Variants in LRFN5 observed in about 807,000 individuals in gnomAD.
LRFN5 encodes the protein leucine-rich repeat and fibronectin type-III domain-containing protein 5.
A neutral mutation model predicts 45.6 loss-of-function variants in LRFN5; 24 were observed. The observed-to-expected ratio is 0.53, with a 90% confidence interval of 0.38 to 0.74. LRFN5 has a LOEUF of 0.74. Ranked by LOEUF, LRFN5 falls within the 30% of genes least tolerant of loss-of-function variation. The pLI, the probability that LRFN5 is intolerant of heterozygous loss-of-function variation, is 0.00. For missense variants in LRFN5, 776 were observed against 861.5 expected (o/e 0.90, Z 1.24); for synonymous variants, 340 against 313.8 (o/e 1.08, Z -0.88).
In LRFN5 at chr14:41,891,506, C is replaced by T; in HGVS notation, c.1642C>T (p.Leu548=). 1 of 1,614,090 alleles carries T rather than the reference C, an allele frequency of 6.2e-7. No individual in the cohort carries two copies. The highest frequency in any genetic ancestry group is 8.5e-7 in the Non-Finnish European group (1 of 1,179,978). Residue 548 remains leucine, a synonymous_variant, in exon 4 of 6, where the codon CTG becomes TTG. Coordinates refer to ENST00000298119, the MANE Select transcript of LRFN5 (RefSeq NM_152447.5). Reference sequence around the variant, plus strand: ...ATCTGTGCTGGTATTCATCATTATTCTGATGATCCGGTATAAGGTTTGCAA... The same window carrying T: ...ATCTGTGCTGGTATTCATCATTATTTTGATGATCCGGTATAAGGTTTGCAA... ...VASVLVFIII[L]MIRYKVCNNN... is the part of the protein sequence containing the mutation.
intron 5 of LRFN5, among the ~76,000 whole-genome samples, chr14:41,900,745 C>A (rs751496856): frequency 6.6e-5 from 10 of 152,004 alleles, no homozygotes; most frequent in Non-Finnish European, 1.3e-4. Flanking sequence ...ATTCTTGATT[C>A]TCGGTAAATG....
intron 1 of LRFN5, among the ~76,000 whole-genome samples, chr14:41,667,886 A>T (rs1880979736): frequency 6.6e-6 from 1 of 152,156 alleles, no homozygotes; most frequent in South Asian, 2.1e-4. Flanking sequence ...TGAACATACA[A>T]GTATTTTTCA....
Position 41,871,376 on chromosome 14 carries a change from T to A in LRFN5, c.-20-15230T>A, listed in dbSNP as rs545731706. Among the ~76,000 whole-genome samples the A allele has an allele frequency of 1.6e-4, 25 of 152,140 alleles. 1 individual carries two copies. The highest frequency in any genetic ancestry group is 1.6e-3 in the Admixed American group (24 of 15,276). ...GCCAAGGCAGGTAGATTACCTGAGG[T>A]CAGGAGTTCAAGACCAGACTGGTCA... On this transcript the variant is annotated intron_variant, in intron 2 of 5. Coordinates refer to ENST00000298119, the MANE Select transcript of LRFN5 (RefSeq NM_152447.5).
intron 2 of LRFN5, among the ~76,000 whole-genome samples, chr14:41,829,385 G>T (rs1888402581): frequency 6.6e-6 from 1 of 151,780 alleles, no homozygotes; most frequent in South Asian, 2.1e-4. Context: ...TCTTCCTTTT[G>T]ATTTATTTTT....
chr14:41,684,300 C>T (rs1341759995), intron 1 of LRFN5, among the ~76,000 whole-genome samples: 4 of 152,104 alleles, frequency 2.6e-5, no homozygotes, highest in Non-Finnish European at 5.9e-5. Context: ...CTATAAAGAG[C>T]TGTAAAAGAC....
chr14:41,610,661 T>TAAAAAAAAAAA (rs199770856), intron 1 of LRFN5, among the ~76,000 whole-genome samples: 439 of 37,224 alleles, frequency 0.012, 58 homozygotes, highest in African/African-American at 0.025. Context: ...CCAGGGAAGG[T>TAAAAAAAAAAA]AAAAAAAAAA....
intron 2 of LRFN5, among the ~76,000 whole-genome samples, chr14:41,833,456 A>T (rs551822216): frequency 6.6e-6 from 1 of 152,266 alleles, no homozygotes; most frequent in Admixed American, 6.5e-5. Flanking sequence ...TCCAGCCAAA[A>T]TATTAGCCAC....
chr14:41,834,369 G>T (rs1888589025), intron 2 of LRFN5, among the ~76,000 whole-genome samples: 1 of 151,906 alleles, frequency 6.6e-6, no homozygotes, highest in African/African-American at 2.4e-5. Flanking sequence ...ATTTCATTTG[G>T]TTTTTTAGAG....
At chr14:41,847,280 C>T (rs951247950) in intron 2 of LRFN5, among the ~76,000 whole-genome samples, 6 of 151,966 alleles carry the variant, frequency 3.9e-5, no homozygotes, top group Admixed American at 6.6e-5. Context: ...CTTGAGAAAC[C>T]TGACTTCTAT....
At chr14:41,879,814 T>C (rs1006255454) in intron 2 of LRFN5, among the ~76,000 whole-genome samples, 1 of 151,576 alleles carries the variant, frequency 6.6e-6, no homozygotes, top group Admixed American at 6.6e-5. Context: ...ATTGTGTATA[T>C]GTATTGGCAT....
Position 41,798,651 on chromosome 14 carries a change from A to G in LRFN5, c.-21+31622A>G, listed in dbSNP as rs576393733. Among the ~76,000 whole-genome samples, 81 of 152,116 alleles carry G rather than the reference A, an allele frequency of 5.3e-4. 1 individual carries two copies. Among genetic ancestry groups the G allele is most frequent in the Non-Finnish European group, 1.0e-3 (69 of 67,952 alleles). The stretch of plus-strand genomic sequence containing the variant: ...GAAATAGTGTAATCTTAACCAACAG[A>G]AATTATCTTGTATTAGTTTGTAATG... On this transcript the variant is annotated intron_variant, in intron 2 of 5. Transcript: ENST00000298119.
intron 1 of LRFN5, among the ~76,000 whole-genome samples, chr14:41,666,339 A>G (rs1043280898): frequency 1.3e-5 from 2 of 152,038 alleles, no homozygotes; most frequent in Non-Finnish European, 2.9e-5. Context: ...CTTAGTGAAA[A>G]TTACTAGTAT....
At chr14:41,808,458 A>G (rs2180231) in intron 2 of LRFN5, among the ~76,000 whole-genome samples, 18,984 of 118,494 alleles carry the variant, frequency 0.16, 2,343 homozygotes, top group African/African-American at 0.18. Context: ...GAGGACCTAT[A>G]AGATTAGTTC....
At chr14:41,756,164 G>A (rs184403306) in intron 1 of LRFN5, among the ~76,000 whole-genome samples, 1 of 152,216 alleles carries the variant, frequency 6.6e-6, no homozygotes. Context: ...TCCCTTTGTG[G>A]GTAAGCCGAC....
chr14:41,638,720 C>T (rs59937937), intron 1 of LRFN5, among the ~76,000 whole-genome samples: 5,884 of 151,676 alleles, frequency 0.039, 362 homozygotes, highest in East Asian at 0.28. Context: ...ATTAATGTAA[C>T]CTAATATGAT....
chr14:41,681,277 C>T lies in LRFN5; in HGVS notation c.-197+72715C>T, dbSNP rs184397648. On this transcript the variant is annotated intron_variant, in intron 1 of 5. Transcript: ENST00000298119. ...TTAAGAACAAGCAGGTTATAGAACA[C>T]CAAGTAGATTTAATTCAAATAAAGC... is the stretch of plus-strand genomic sequence containing the variant. 4.2e-3 allele frequency among the ~76,000 whole-genome samples: 632 copies of T among 152,120 alleles called. 4 individuals are homozygous for T. Among genetic ancestry groups the T allele is most frequent in the Non-Finnish European group, 5.3e-3 (357 of 67,996 alleles).
intron 2 of LRFN5, among the ~76,000 whole-genome samples, chr14:41,794,475 A>G (rs1223875951): frequency 1.3e-5 from 2 of 151,966 alleles, no homozygotes; most frequent in Non-Finnish European, 2.9e-5. Context: ...ATGTTTTACT[A>G]GTTTTATCTT....
intron 2 of LRFN5, among the ~76,000 whole-genome samples, chr14:41,808,549 T>TGAAGGACG (rs1887620124): frequency 1.8e-5 from 1 of 54,348 alleles, no homozygotes; most frequent in Non-Finnish European, 3.2e-5. Flanking sequence ...AAGGGAGGGA[T>TGAAGGACG]GAAGGAAGGA....
intron 1 of LRFN5, among the ~76,000 whole-genome samples, chr14:41,670,773 A>T (rs998170178): frequency 4.6e-5 from 7 of 152,018 alleles, no homozygotes; most frequent in African/African-American, 1.7e-4. Flanking sequence ...TAATGTCAGA[A>T]AGCAAAGTAC....
Sources: allele counts gnomAD v4.1 joint callset (sites outside exome capture counted in the v4.1 genomes callset), GRCh38; gene constraint gnomAD v4.1.1; transcripts MANE v1.5; gene names NCBI Gene and HGNC (gene_info 2026-07-23, HGNC 2026-07-21).